KALRN: variants seen among roughly 807,000 people sequenced by gnomAD.
KALRN encodes kalirin.
KALRN carries 70 observed loss-of-function variants against 353.7 expected under a neutral mutation model. That is an observed-to-expected ratio of 0.20 (90% CI 0.16 to 0.24). The LOEUF (loss-of-function observed/expected upper bound fraction) is 0.24, where lower values mean the gene tolerates loss of function less well. Among genes scored for constraint, KALRN ranks in the 10% least tolerant of loss-of-function variants. The pLI is 1.00. For missense variants in KALRN, 2,791 were observed against 3,756.7 expected (o/e 0.74, Z 6.72); for synonymous variants, 1,391 against 1,434.8 (o/e 0.97, Z 0.69).
intron 34 of KALRN, among the ~76,000 whole-genome samples, chr3:124,608,016 T>A (rs554826295): frequency 6.6e-6 from 1 of 151,926 alleles, no homozygotes; most frequent in South Asian, 2.1e-4. Flanking sequence ...TTTAATTTTT[T>A]TTTTTTTTTT....
chr3:124,393,057 C>G (rs2089689185), intron 11 of KALRN, among the ~76,000 whole-genome samples: 1 of 151,936 alleles, frequency 6.6e-6, no homozygotes, highest in Non-Finnish European at 1.5e-5. Flanking sequence ...CCTCTGCCTC[C>G]TGGGTTCAAG....
At position 124,326,120 on chromosome 3, in the gene KALRN, A is replaced by C; in HGVS notation, c.1233A>C (p.Glu411Asp). Residue 411 changes from glutamate (E) to aspartate (D), a missense_variant, in exon 7 of 60, where the codon GAA (glutamate) becomes GAC (aspartate). Around this residue, in one of 11 missense-constraint regions of KALRN, gnomAD observed 366 missense variants for 489.2 expected, o/e 0.75. Transcript: ENST00000682506. ...EWKSFAAALD[E>D]RSTILAMSAV... ...AGAGCTTCGCTGCTGCCCTGGATGA[A>C]CGCAGCACCATCCTCGCCATGTCTG... The C allele has an allele frequency of 6.2e-7, 1 of 1,613,848 alleles. No homozygotes were observed. Among genetic ancestry groups the C allele is most frequent in the Non-Finnish European group, 8.5e-7 (1 of 1,179,852 alleles).
chr3:124,427,878 T>C (rs1168267789), intron 15 of KALRN, among the ~76,000 whole-genome samples: 2 of 152,346 alleles, frequency 1.3e-5, no homozygotes, highest in Middle Eastern at 3.4e-3. Context: ...GAATGATTGA[T>C]CAATGTTAAT....
At chr3:124,603,242 C>A (rs1034725555) in intron 34 of KALRN, among the ~76,000 whole-genome samples, 19 of 152,232 alleles carry the variant, frequency 1.2e-4, no homozygotes, top group African/African-American at 4.6e-4. Flanking sequence ...CACAGTCACA[C>A]TTGTTTGTCT....
At chr3:124,493,928 GT>G (rs2063440593) in intron 32 of KALRN, among the ~76,000 whole-genome samples, 1 of 152,206 alleles carries the variant, frequency 6.6e-6, no homozygotes, top group Non-Finnish European at 1.5e-5. Context: ...CAGAGTCCAG[GT>G]AAGGAGGGGG....
At chr3:124,387,107 C>G (rs1396136864) in intron 11 of KALRN, among the ~76,000 whole-genome samples, 2 of 152,126 alleles carry the variant, frequency 1.3e-5, no homozygotes, top group African/African-American at 4.8e-5. Flanking sequence ...AAATCAGGGG[C>G]TTAATGGGTA....
chr3:124,690,540 C>T (rs1035819202), intron 51 of KALRN, among the ~76,000 whole-genome samples: 3 of 152,106 alleles, frequency 2.0e-5, no homozygotes, highest in Non-Finnish European at 1.5e-5. Context: ...AGCAGGTAGG[C>T]CTTTGATGTC....
intron 1 of KALRN, among the ~76,000 whole-genome samples, chr3:124,097,520 T>C (rs1578020250): frequency 6.6e-6 from 1 of 152,180 alleles, no homozygotes; most frequent in African/African-American, 2.4e-5. Flanking sequence ...TCCCAGGAAA[T>C]TGAAATAATG....
chr3:124,494,960 A>G (rs1423602226), intron 32 of KALRN, among the ~76,000 whole-genome samples: 2 of 151,716 alleles, frequency 1.3e-5, no homozygotes, highest in Non-Finnish European at 2.9e-5. Flanking sequence ...CCCAACTCCA[A>G]CTCCACATCT....
chr3:124,076,158 CA>C (rs2060249530), intron 1 of KALRN, among the ~76,000 whole-genome samples: 1 of 152,102 alleles, frequency 6.6e-6, no homozygotes, highest in South Asian at 2.1e-4. Flanking sequence ...TTGGGAAGCT[CA>C]AGGAGAAGGT....
intron 13 of KALRN, among the ~76,000 whole-genome samples, chr3:124,409,682 A>G (rs1055647855): frequency 2.6e-5 from 4 of 152,226 alleles, no homozygotes; most frequent in Non-Finnish European, 5.9e-5. Context: ...AGGTCAACTT[A>G]AGGTTTGAAA....
intron 11 of KALRN, among the ~76,000 whole-genome samples, chr3:124,386,239 T>C (rs1202475157): frequency 6.6e-6 from 1 of 152,164 alleles, no homozygotes; most frequent in African/African-American, 2.4e-5. Context: ...TTAGCATTAA[T>C]CCAGGGTTTC....
At chr3:124,585,727 A>G (rs979781614) in intron 34 of KALRN, among the ~76,000 whole-genome samples, 2 of 152,258 alleles carry the variant, frequency 1.3e-5, no homozygotes, top group Non-Finnish European at 2.9e-5. Flanking sequence ...ACGCTAGGAT[A>G]GCGGGGGAAG....
At chr3:124,606,453 G>A (rs983459970) in intron 34 of KALRN, among the ~76,000 whole-genome samples, 2 of 152,102 alleles carry the variant, frequency 1.3e-5, no homozygotes, top group African/African-American at 4.8e-5. Context: ...GTGTGGCAAG[G>A]CTTCTTCTTA....
chr3:124,470,457 A>G (rs2060775193), intron 25 of KALRN, among the ~76,000 whole-genome samples: 1 of 152,196 alleles, frequency 6.6e-6, no homozygotes, highest in Non-Finnish European at 1.5e-5. Flanking sequence ...TACTTTCAAC[A>G]TTTACATTGA....
intron 2 of KALRN, among the ~76,000 whole-genome samples, chr3:124,232,282 G>T (rs1478981752): frequency 6.6e-6 from 1 of 152,178 alleles, no homozygotes; most frequent in Non-Finnish European, 1.5e-5. Context: ...TGAAGCTCAT[G>T]TCCTACCCAG....
intron 6 of KALRN, among the ~76,000 whole-genome samples, chr3:124,320,535 C>T (rs373365067): frequency 6.6e-6 from 1 of 152,162 alleles, no homozygotes; most frequent in East Asian, 1.9e-4. Context: ...GCTTCTCTCA[C>T]CTTTTGTAAT....
chr3:124,488,074 C>T, intron 28 of KALRN, 130 bp from the exon 29 acceptor site: 1 of 578,706 alleles, frequency 1.7e-6, no homozygotes, highest in African/African-American at 1.9e-5. Context: ...TACCCCACCT[C>T]ACTTTCTTTA....
chr3:124,627,356 G>A (rs1312633953), intron 34 of KALRN, among the ~76,000 whole-genome samples: 1 of 152,138 alleles, frequency 6.6e-6, no homozygotes, highest in Non-Finnish European at 1.5e-5. Flanking sequence ...GATTACTTTT[G>A]GTTTTTAATT....
Sources: allele counts gnomAD v4.1 joint callset (sites outside exome capture counted in the v4.1 genomes callset), GRCh38; gene constraint gnomAD v4.1.1; regional missense constraint gnomAD v4.1.1; transcripts MANE v1.5; gene names NCBI Gene and HGNC (gene_info 2026-07-23, HGNC 2026-07-21).